The following PDE1C variants were observed in gnomAD, a reference collection of about 807,000 sequenced individuals.
PDE1C encodes the protein dual specificity calcium/calmodulin-dependent 3',5'-cyclic nucleotide phosphodiesterase 1C.
Under a neutral mutation model 93.1 loss-of-function variants are expected in PDE1C, and 62 were observed. That is an observed-to-expected ratio of 0.67 (90% CI 0.54 to 0.82). The LOEUF (loss-of-function observed/expected upper bound fraction) is 0.82, where lower values mean the gene tolerates loss of function less well. Ranked by LOEUF, PDE1C falls within the 40% of genes least tolerant of loss-of-function variation. The pLI is 0.00. For synonymous variants in PDE1C, 325 were observed against 310.1 expected (o/e 1.05, Z -0.50); for missense variants, 742 against 884.6 (o/e 0.84, Z 2.04).
At chr7:31,995,617 T>C (rs1784626801) in intron 2 of PDE1C, among the ~76,000 whole-genome samples, 1 of 152,170 alleles carries the variant, frequency 6.6e-6, no homozygotes, top group East Asian at 1.9e-4. Context: ...GATTTTGGCT[T>C]TGGCAAAATT....
At chr7:31,626,822 GTC>G in the PDE1C span, among the ~76,000 whole-genome samples, 1 of 152,184 alleles carries the variant, frequency 6.6e-6, no homozygotes, top group Non-Finnish European at 1.5e-5. Flanking sequence ...CACAGTCTTA[GTC>G]TCCATTGTAT....
rs752433564 is a variant in PDE1C at position 32,147,984 on chromosome 7, T to TAAAAAAAAAA, written c.308+21791_308+21800dup. Among the ~76,000 whole-genome samples the TAAAAAAAAAA allele has an allele frequency of 1.5e-4, 12 of 79,712 alleles. 1 individual carries two copies. The highest frequency in any genetic ancestry group is 5.6e-4 in the African/African-American group (10 of 17,876). The allele number at this position is 79,712 out of a possible 152,430, so 52.3% of individuals were successfully genotyped here. A position where few individuals can be genotyped will look rare whatever the true frequency, so the allele number is the denominator to read the frequency against. On this transcript the variant is annotated intron_variant, in intron 3 of 18. Transcript: ENST00000396193. ...AACTTGCCTCTCAACCCATTTATGC[T>TAAAAAAAAAA]AAAAAAAAAAAAAAAAAAAAAGCCT...
chr7:32,103,592 A>T (rs1342807137), intron 3 of PDE1C, among the ~76,000 whole-genome samples: 1 of 152,218 alleles, frequency 6.6e-6, no homozygotes, highest in East Asian at 1.9e-4. Context: ...CAACTGCCCT[A>T]CAGGAAACAG....
chr7:31,871,905 T>A (rs189316092), intron 6 of PDE1C, among the ~76,000 whole-genome samples: 71 of 152,154 alleles, frequency 4.7e-4, no homozygotes, highest in Non-Finnish European at 9.3e-4. Flanking sequence ...AATCAGTGTA[T>A]CAAAGAGATA....
intron 7 of PDE1C, among the ~76,000 whole-genome samples, chr7:31,853,660 G>C (rs1249030463): frequency 7.2e-6 from 1 of 139,480 alleles, no homozygotes; most frequent in Non-Finnish European, 1.5e-5. Flanking sequence ...TATTTGGACA[G>C]GAGGAGAGAA....
At chr7:31,926,355 C>G (rs972563239) in intron 2 of PDE1C, among the ~76,000 whole-genome samples, 1 of 152,202 alleles carries the variant, frequency 6.6e-6, no homozygotes, top group African/African-American at 2.4e-5. Context: ...CAGTTCCTCA[C>G]CCAGATCCTA....
At chr7:31,816,232 T>C in intron 14 of PDE1C, 78 bp from the exon 15 acceptor site, 5 of 1,321,506 alleles carry the variant, frequency 3.8e-6, no homozygotes, top group Non-Finnish European at 5.3e-6. Context: ...CCTGTTTTAG[T>C]ACACAAAGAG....
intron 1 of PDE1C, among the ~76,000 whole-genome samples, chr7:32,369,283 T>A (rs897995192): frequency 1.3e-5 from 2 of 152,098 alleles, no homozygotes; most frequent in Non-Finnish European, 2.9e-5. Context: ...TACAAGGAAC[T>A]CAAACATCTC....
At chr7:31,965,970 G>C (rs1388066224) in intron 2 of PDE1C, among the ~76,000 whole-genome samples, 3 of 152,144 alleles carry the variant, frequency 2.0e-5, no homozygotes, top group Non-Finnish European at 4.4e-5. Flanking sequence ...ACTAAACATG[G>C]AAAGGAACGA....
chr7:31,898,969 AAGTT>A, intron 2 of PDE1C, among the ~76,000 whole-genome samples: 3 of 152,186 alleles, frequency 2.0e-5, no homozygotes, highest in Admixed American at 2.0e-4. Flanking sequence ...CAACTGGAAG[AAGTT>A]ATTTATATTT....
chr7:32,169,844 G>A, exon 3 of PDE1C: 1 of 1,612,664 alleles, frequency 6.2e-7, no homozygotes. Flanking sequence ...CATCAGCTAG[G>A]ATCTCCTCTG....
rs367785318 is a variant in PDE1C, at chr7:32,166,725, C to A, written c.308+3060G>T. On this transcript the variant is annotated intron_variant, in intron 3 of 18. Coordinates refer to the PDE1C transcript ENST00000396193. ...GGCATTATTAGTAACTGACATTAAT[C>A]CAGTGACAATCCAGAGTGTTTGCAG... 4.6e-5 allele frequency among the ~76,000 whole-genome samples: 7 copies of A among 152,274 alleles called. No individual in the cohort carries two copies. In the East Asian group the frequency reaches 1.2e-3, roughly 25 times the overall value.
chr7:32,386,085 CTTTCT>C (rs1286915532), intron 1 of PDE1C, among the ~76,000 whole-genome samples: 3 of 67,734 alleles, frequency 4.4e-5, no homozygotes, highest in South Asian at 1.1e-3. Flanking sequence ...CCACCTTTTT[CTTTCT>C]TTTTTTTTTT....
intron 1 of PDE1C, among the ~76,000 whole-genome samples, chr7:32,396,464 T>G (rs1784841429): frequency 6.8e-6 from 1 of 148,074 alleles, no homozygotes; most frequent in Non-Finnish European, 1.5e-5. Context: ...AACAACAGAG[T>G]GAGACCTTGT....
chr7:32,151,318 A>G (rs1206315354), intron 3 of PDE1C, among the ~76,000 whole-genome samples: 2 of 152,146 alleles, frequency 1.3e-5, no homozygotes, highest in Non-Finnish European at 1.5e-5. Flanking sequence ...CCTTCACTCC[A>G]TAGTTATTTA....
At chr7:32,177,774 G>A (rs915434560) in intron 2 of PDE1C, among the ~76,000 whole-genome samples, 1 of 152,144 alleles carries the variant, frequency 6.6e-6, no homozygotes, top group East Asian at 1.9e-4. Context: ...ATGGTATGAT[G>A]TGCCCCTTCT....
the PDE1C span, among the ~76,000 whole-genome samples, chr7:31,677,549 A>T: frequency 1.3e-5 from 2 of 151,984 alleles, no homozygotes; most frequent in Admixed American, 6.6e-5. Flanking sequence ...GAAAGATCAT[A>T]TTTTTTTTCT....
At chr7:32,059,212 C>A (rs1397500355) in intron 1 of PDE1C, among the ~76,000 whole-genome samples, 2 of 152,102 alleles carry the variant, frequency 1.3e-5, no homozygotes, top group African/African-American at 4.8e-5. Context: ...ATGAAGGAAG[C>A]CTTTGACAGT....
chr7:31,981,263 C>A (rs1812332107), intron 2 of PDE1C, among the ~76,000 whole-genome samples: 1 of 152,102 alleles, frequency 6.6e-6, no homozygotes, highest in African/African-American at 2.4e-5. Flanking sequence ...GGATGTGAAG[C>A]ATAGAAAAGA....
Sources: gnomAD v4.1 joint callset for allele counts (sites outside exome capture counted in the v4.1 genomes callset) on GRCh38, gnomAD v4.1.1 for gene constraint, MANE v1.5 for transcripts, NCBI Gene and HGNC (gene_info 2026-07-23, HGNC 2026-07-21) for gene names.